Variants in NFIC observed in about 807,000 individuals in gnomAD.
NFIC encodes the protein nuclear factor 1 C-type.
NFIC carries 12 observed loss-of-function variants against 54.4 expected under a neutral mutation model. The observed-to-expected ratio is 0.22, with a 90% confidence interval of 0.14 to 0.36. NFIC has a LOEUF of 0.36. NFIC is among the 10% of genes least tolerant of loss of function. NFIC has a pLI of 1.00. For synonymous variants in NFIC, 322 were observed against 319.2 expected (o/e 1.01, Z -0.09); for missense variants, 575 against 718.2 (o/e 0.80, Z 2.28).
At chr19:3,407,978 C>T (rs556854699) in intron 2 of NFIC, among the ~76,000 whole-genome samples, 16 of 152,276 alleles carry the variant, frequency 1.1e-4, no homozygotes, top group Admixed American at 7.9e-4. Flanking sequence ...GTTGAACCTT[C>T]GCCGGGTAAT....
intron 2 of NFIC, chr19:3,411,044 C>G (rs1180919467): frequency 6.6e-6 from 1 of 152,126 alleles, no homozygotes; most frequent in Non-Finnish European, 1.5e-5. Flanking sequence ...TAGGGTCTCC[C>G]TCTGTTGCCC....
At chr19:3,374,966 C>T (rs546054512) in intron 1 of NFIC, among the ~76,000 whole-genome samples, 2 of 152,204 alleles carry the variant, frequency 1.3e-5, no homozygotes, top group Admixed American at 6.5e-5. Context: ...GGCCCCCACC[C>T]CTGCCCGCCT....
Position 3,435,125 on chromosome 19 carries a change from C to G in NFIC, c.876C>G (p.Asp292Glu). The change falls in exon 6 of 11, where the codon GAC becomes GAG. Residue 292 changes from aspartate (D) to glutamate (E), a missense_variant. Asp to Glu is a conservative substitution (Grantham distance 45). Around this residue, in one of 3 missense-constraint regions of NFIC, gnomAD observed 447 missense variants for 526.9 expected, o/e 0.85. Coordinates refer to ENST00000443272, the MANE Select transcript of NFIC (RefSeq NM_001245002.2). Reference protein sequence around the residue: ...HKSGSMEEDVDTSPGGDYYTS... With the variant: ...HKSGSMEEDVETSPGGDYYTS... ...CGGGCTCGATGGAGGAAGACGTGGA[C>G]ACGAGCCCTGGCGGCGATTACTACA... is the stretch of plus-strand genomic sequence containing the variant. 6.2e-7 allele frequency: 1 copy of G among 1,606,296 alleles called. No homozygotes were observed. The highest frequency in any genetic ancestry group is 8.5e-7 in the Non-Finnish European group (1 of 1,176,864).
At chr19:3,390,377 G>A (rs1026550869) in intron 2 of NFIC, among the ~76,000 whole-genome samples, 1 of 152,214 alleles carries the variant, frequency 6.6e-6, no homozygotes, top group African/African-American at 2.4e-5. Flanking sequence ...AGAGGGACGG[G>A]CAGGTGGGGG....
intron 2 of NFIC, among the ~76,000 whole-genome samples, chr19:3,416,810 A>C (rs1369292752): frequency 6.6e-6 from 1 of 150,928 alleles, no homozygotes; most frequent in Admixed American, 6.6e-5. Context: ...GGCGTGAGCC[A>C]CCGTGCCCAT....
chr19:3,363,227 A>ATGTGTGTGTGTGTG (rs1236874934), upstream of NFIC, among the ~76,000 whole-genome samples: 2 of 45,172 alleles, frequency 4.4e-5, no homozygotes, highest in African/African-American at 9.4e-5. Flanking sequence ...ATGTATATGT[A>ATGTGTGTGTGTGTG]TGTGTATGTG....
chr19:3,452,654 G>A lies in NFIC; in HGVS notation c.1257G>A (p.Gln419=). Residue 419 remains glutamine (Q), a synonymous_variant, in exon 8 of 11, where the codon CAG becomes CAA. Coordinates refer to ENST00000443272, the MANE Select transcript of NFIC (RefSeq NM_001245002.2). This position sits in a 1 kb window ranked among gnomAD's most constrained non-coding sequence, Gnocchi z 5.3. The part of the protein sequence containing the change: ...LVSLACDPAS[Q]QPGPLNGSGQ... ...CGCTGGCCTGCGACCCAGCCAGCCA[G>A]CAACCTGGACCGGTGAGTTGGGCGG... is the stretch of plus-strand genomic sequence containing the variant. The A allele has an allele frequency of 6.2e-7, 1 of 1,607,674 alleles. No individual in the cohort carries two copies. Among genetic ancestry groups the A allele is most frequent in the Non-Finnish European group, 8.5e-7 (1 of 1,177,238 alleles).
At chr19:3,435,758 G>A (rs1044389753) in intron 6 of NFIC, among the ~76,000 whole-genome samples, 1 of 152,048 alleles carries the variant, frequency 6.6e-6, no homozygotes, top group East Asian at 1.9e-4. Context: ...CGTTTTCTAG[G>A]AAGATTTTAT....
At chr19:3,376,981 C>T (rs995457423) in intron 1 of NFIC, among the ~76,000 whole-genome samples, 2 of 151,536 alleles carry the variant, frequency 1.3e-5, no homozygotes, top group East Asian at 2.0e-4. Context: ...CCACCCACCT[C>T]GGCCTCCCAA....
intron 2 of NFIC, among the ~76,000 whole-genome samples, chr19:3,407,463 T>C (rs1294356942): frequency 2.7e-5 from 4 of 146,514 alleles, no homozygotes; most frequent in African/African-American, 1.0e-4. Context: ...TGAGATGGAG[T>C]CTCGCTCTGT....
intron 7 of NFIC, among the ~76,000 whole-genome samples, chr19:3,451,739 G>C (rs181079937): frequency 6.6e-6 from 1 of 151,840 alleles, no homozygotes; most frequent in Admixed American, 6.6e-5. Flanking sequence ...TCAAATTCCC[G>C]GTCTGCCATC....
At chr19:3,461,927 G>A (rs1052959510) in intron 10 of NFIC, among the ~76,000 whole-genome samples, 14 of 151,632 alleles carry the variant, frequency 9.2e-5, no homozygotes, top group Admixed American at 1.3e-4. Context: ...GGTGGCATGC[G>A]CCTGTAATCC....
intron 2 of NFIC, among the ~76,000 whole-genome samples, chr19:3,397,262 A>T (rs1332740887): frequency 6.6e-6 from 1 of 152,186 alleles, no homozygotes; most frequent in Non-Finnish European, 1.5e-5. Context: ...CACAGTCAGG[A>T]TTTAAATCCA....
chr19:3,444,202 G>T (rs908455395), intron 6 of NFIC, among the ~76,000 whole-genome samples: 1 of 128,076 alleles, frequency 7.8e-6, no homozygotes, highest in Admixed American at 7.5e-5. Context: ...ATGGGCGTGT[G>T]TGACAAATGG....
At chr19:3,427,155 T>C (rs2082040011) in intron 3 of NFIC, among the ~76,000 whole-genome samples, 1 of 152,030 alleles carries the variant, frequency 6.6e-6, no homozygotes, top group African/African-American at 2.4e-5. Context: ...CTCGATCTCC[T>C]GACCCTGTGA....
intron 1 of NFIC, among the ~76,000 whole-genome samples, chr19:3,368,735 T>G (rs1245192514): frequency 6.6e-6 from 1 of 152,156 alleles, no homozygotes; most frequent in Non-Finnish European, 1.5e-5. Flanking sequence ...CAGCCTGGTC[T>G]GGGGTAGCCA....
chr19:3,463,910 C>T lies in NFIC; in HGVS notation c.*1141C>T, dbSNP rs2082679219. The T allele has an allele frequency of 3.1e-6, 3 of 960,734 alleles. No individual in the cohort carries two copies. Among genetic ancestry groups the T allele is most frequent in the Non-Finnish European group, 3.7e-6 (3 of 807,790 alleles). 59.5% of individuals were successfully genotyped at this position (960,734 alleles called of 1,614,324 possible). A position where few individuals can be genotyped will look rare whatever the true frequency, so the allele number is the denominator to read the frequency against. On this transcript the variant is annotated 3_prime_UTR_variant, in exon 11 of 11. Transcript: ENST00000443272. ...GAATGGCCGCGGGCCTCCTCCCCCTCCCCTCCAGCCTCTCCACCAGCCCCT... is the reference window on the plus strand; with the variant it reads ...GAATGGCCGCGGGCCTCCTCCCCCTTCCCTCCAGCCTCTCCACCAGCCCCT...
At chr19:3,460,825 T>G (rs1298586645) in intron 10 of NFIC, among the ~76,000 whole-genome samples, 1 of 152,016 alleles carries the variant, frequency 6.6e-6, no homozygotes, top group Non-Finnish European at 1.5e-5. Context: ...CTTGTTTACT[T>G]TTTAAAAACA....
chr19:3,363,075 C>CGCTCCAGA (rs1277759185), upstream of NFIC, among the ~76,000 whole-genome samples: 1 of 151,858 alleles, frequency 6.6e-6, no homozygotes, highest in Non-Finnish European at 1.5e-5. Context: ...GGTGGAACCC[C>CGCTCCAGA]GCTCCAGAAT....
Sources: allele counts gnomAD v4.1 joint callset (sites outside exome capture counted in the v4.1 genomes callset), GRCh38; gene constraint gnomAD v4.1.1; regional missense constraint gnomAD v4.1.1; non-coding constraint Gnocchi (gnomAD v3.1); transcripts MANE v1.5; gene names NCBI Gene and HGNC (gene_info 2026-07-23, HGNC 2026-07-21).